The following CLNK variants were observed in gnomAD, a reference collection of about 807,000 sequenced individuals.
The protein encoded by CLNK is cytokine dependent hematopoietic cell linker, also known as cytokine-dependent hematopoietic cell linker.
In CLNK, 74 loss-of-function variants were observed where a neutral mutation model predicts 68.6. The observed-to-expected ratio is 1.08, with a 90% confidence interval of 0.89 to 1.31. The LOEUF (loss-of-function observed/expected upper bound fraction) is 1.31, where lower values mean the gene tolerates loss of function less well. CLNK is among the 50% of genes most tolerant of loss of function. The pLI, the probability that CLNK is intolerant of heterozygous loss-of-function variation, is 0.00. For synonymous variants in CLNK, 198 were observed against 172.2 expected (o/e 1.15, Z -1.17); for missense variants, 553 against 515.3 (o/e 1.07, Z -0.71).
At chr4:10,625,378 T>G (rs2108864405) in intron 2 of CLNK, among the ~76,000 whole-genome samples, 1 of 152,344 alleles carries the variant, frequency 6.6e-6, no homozygotes, top group South Asian at 2.1e-4. Context: ...TTGTGTTTGC[T>G]TTTCTCACTG....
intron 2 of CLNK, among the ~76,000 whole-genome samples, chr4:10,637,583 CTTTTTTTTTT>C (rs1158317670): frequency 1.9e-3 from 138 of 71,428 alleles, no homozygotes; most frequent in African/African-American, 3.2e-3. Context: ...CACCATTCCT[CTTTTTTTTTT>C]TTTTTTTTTT....
intron 8 of CLNK, among the ~76,000 whole-genome samples, chr4:10,548,737 T>C (rs540492524): frequency 1.3e-5 from 2 of 152,368 alleles, no homozygotes; most frequent in Admixed American, 6.5e-5. Flanking sequence ...TGCCCTGTTC[T>C]TCTGCACATT....
At chr4:10,718,678 A>AAAC in the CLNK span, among the ~76,000 whole-genome samples, 1 of 152,088 alleles carries the variant, frequency 6.6e-6, no homozygotes, top group African/African-American at 2.4e-5. Context: ...TCTCTAAACA[A>AAAC]AACAACAAAA....
intron 18 of CLNK, among the ~76,000 whole-genome samples, chr4:10,499,253 G>A (rs1463567197): frequency 6.6e-6 from 1 of 152,206 alleles, no homozygotes; most frequent in Non-Finnish European, 1.5e-5. Flanking sequence ...ACAGGGGCAG[G>A]ACTTGTGTCA....
rs915436399 is a variant in CLNK at position 10,488,621 on chromosome 4, T to C, written c.*1846A>G. ...AGGCATACTCTACGATAGGCTCAGC[T>C]GGGTCTCAAAAGTTCCAGCTTTACA... On this transcript the variant is annotated 3_prime_UTR_variant, in exon 19 of 19. Transcript: ENST00000226951. 1.3e-5 allele frequency: 2 copies of C among 152,260 alleles called. No homozygotes were observed. The highest frequency in any genetic ancestry group is 1.3e-4 in the Admixed American group (2 of 15,274). 9.4% of individuals were successfully genotyped at this position (152,260 alleles called of 1,614,324 possible). A position where few individuals can be genotyped will look rare whatever the true frequency, so the allele number is the denominator to read the frequency against.
At chr4:10,494,056 A>C (rs1716706408) in intron 18 of CLNK, among the ~76,000 whole-genome samples, 1 of 152,234 alleles carries the variant, frequency 6.6e-6, no homozygotes, top group African/African-American at 2.4e-5. Flanking sequence ...TGCAATCACC[A>C]AGAAGTTTGT....
intron 3 of CLNK, among the ~76,000 whole-genome samples, chr4:10,590,601 T>C (rs1385668843): frequency 6.6e-6 from 1 of 152,158 alleles, no homozygotes; most frequent in Non-Finnish European, 1.5e-5. Flanking sequence ...CTCAAACCTC[T>C]GAAATTAACT....
chr4:10,562,636 C>G (rs1233204732), intron 7 of CLNK, among the ~76,000 whole-genome samples: 1 of 152,118 alleles, frequency 6.6e-6, no homozygotes, highest in Non-Finnish European at 1.5e-5. Flanking sequence ...GAACTCCTGA[C>G]CTTGTGATCT....
At chr4:10,548,304 C>G (rs1719315621) in intron 8 of CLNK, among the ~76,000 whole-genome samples, 1 of 152,150 alleles carries the variant, frequency 6.6e-6, no homozygotes, top group East Asian at 1.9e-4. Context: ...TATTTCCTCC[C>G]TGGAGAAATG....
intron 1 of CLNK, among the ~76,000 whole-genome samples, chr4:10,674,173 CA>C (rs1283872025): frequency 1.3e-5 from 2 of 152,136 alleles, no homozygotes; most frequent in Non-Finnish European, 2.9e-5. Context: ...GAGGAGACCA[CA>C]CCCTACTTTC....
At chr4:10,569,804 C>T (rs1009282773) in intron 5 of CLNK, among the ~76,000 whole-genome samples, 4 of 152,210 alleles carry the variant, frequency 2.6e-5, no homozygotes, top group African/African-American at 9.7e-5. Flanking sequence ...CTGAGATGTT[C>T]AATCTGTAAA....
chr4:10,699,513 T>TACG, the CLNK span, among the ~76,000 whole-genome samples: 2 of 62,052 alleles, frequency 3.2e-5, no homozygotes, highest in Non-Finnish European at 5.4e-5. Context: ...TATATATATA[T>TACG]TTTTTTTTTT....
chr4:10,612,647 G>A (rs1280270708), intron 2 of CLNK, among the ~76,000 whole-genome samples: 1 of 152,168 alleles, frequency 6.6e-6, no homozygotes, highest in African/African-American at 2.4e-5. Context: ...TTTACCCCAT[G>A]GCTTATCTAC....
At chr4:10,649,399 C>T (rs1723642019) in intron 2 of CLNK, among the ~76,000 whole-genome samples, 1 of 152,156 alleles carries the variant, frequency 6.6e-6, no homozygotes, top group Non-Finnish European at 1.5e-5. Context: ...AAGCAAAGAA[C>T]TGAAATCGCT....
At chr4:10,667,773 C>A in intron 2 of CLNK, 86 bp downstream of exon 2, 1 of 1,325,254 alleles carries the variant, frequency 7.5e-7, no homozygotes, top group Non-Finnish European at 1.0e-6. Flanking sequence ...ACATTGGCAT[C>A]ATTTCTCAGT....
At chr4:10,601,040 T>G (rs1302826517) in intron 2 of CLNK, among the ~76,000 whole-genome samples, 1 of 152,222 alleles carries the variant, frequency 6.6e-6, no homozygotes, top group Non-Finnish European at 1.5e-5. Flanking sequence ...AGAGCTGGAC[T>G]CAAACTCTCT....
At chr4:10,498,577 G>T (rs1195937662) in intron 18 of CLNK, among the ~76,000 whole-genome samples, 1 of 152,142 alleles carries the variant, frequency 6.6e-6, no homozygotes, top group Non-Finnish European at 1.5e-5. Flanking sequence ...GATATAGAAG[G>T]ATAAAGGGAC....
chr4:10,704,702 GC>G, the CLNK span, among the ~76,000 whole-genome samples: 1 of 152,176 alleles, frequency 6.6e-6, no homozygotes, highest in South Asian at 2.1e-4. Context: ...ACAGGGTCAA[GC>G]CCCCCTGTGC....
intron 15 of CLNK, among the ~76,000 whole-genome samples, chr4:10,516,461 CA>C (rs1242803577): frequency 6.6e-6 from 1 of 151,634 alleles, no homozygotes; most frequent in East Asian, 1.9e-4. Context: ...AGGCGCTAAT[CA>C]AAAAGCCAAA....
Sources: allele counts gnomAD v4.1 joint callset (sites outside exome capture counted in the v4.1 genomes callset), GRCh38; gene constraint gnomAD v4.1.1; transcripts MANE v1.5; gene names NCBI Gene and HGNC (gene_info 2026-07-23, HGNC 2026-07-21).